Variants in PITPNC1 observed in about 807,000 individuals in gnomAD.
The protein encoded by PITPNC1 is phosphatidylinositol transfer protein cytoplasmic 1.
In PITPNC1, 18 loss-of-function variants were observed where a neutral mutation model predicts 44.7. The observed-to-expected ratio is 0.40, with a 90% CI of 0.28 to 0.60. PITPNC1 has a LOEUF of 0.60. Ranked by LOEUF, PITPNC1 falls within the 20% of genes least tolerant of loss-of-function variation. The pLI, the probability that PITPNC1 is intolerant of heterozygous loss-of-function variation, is 0.39. For synonymous variants in PITPNC1, 141 were observed against 149.6 expected (o/e 0.94, Z 0.42); for missense variants, 290 against 418.4 (o/e 0.69, Z 2.68).
intron 1 of PITPNC1, among the ~76,000 whole-genome samples, chr17:67,391,771 G>T (rs1002617337): frequency 6.6e-6 from 1 of 152,016 alleles, no homozygotes; most frequent in Non-Finnish European, 1.5e-5. Context: ...GTGAGCCACC[G>T]CACCGGGCCA....
chr17:67,393,392 T>C (rs2038167806), intron 1 of PITPNC1, among the ~76,000 whole-genome samples: 1 of 151,804 alleles, frequency 6.6e-6, no homozygotes, highest in African/African-American at 2.4e-5. Flanking sequence ...TTGACTACTC[T>C]AGGTATCTGA....
At chr17:67,534,403 T>A (rs1329413387) in intron 2 of PITPNC1, among the ~76,000 whole-genome samples, 2 of 152,034 alleles carry the variant, frequency 1.3e-5, no homozygotes, top group Admixed American at 1.3e-4. Flanking sequence ...TTTGGGAGGC[T>A]GAAGGTGGTA....
At chr17:67,476,353 A>G (rs768033891) in intron 1 of PITPNC1, among the ~76,000 whole-genome samples, 1 of 151,916 alleles carries the variant, frequency 6.6e-6, no homozygotes, top group Non-Finnish European at 1.5e-5. Flanking sequence ...TGCCCGGCTA[A>G]TTTTTGTATT....
chr17:67,574,300 C>A (rs1472189362), intron 4 of PITPNC1, among the ~76,000 whole-genome samples: 1 of 152,148 alleles, frequency 6.6e-6, no homozygotes, highest in African/African-American at 2.4e-5. Flanking sequence ...TATATTATTT[C>A]TCCACTGAAA....
At chr17:67,626,315 C>A (rs1400418127) in intron 5 of PITPNC1, among the ~76,000 whole-genome samples, 1 of 152,076 alleles carries the variant, frequency 6.6e-6, no homozygotes, top group Non-Finnish European at 1.5e-5. Flanking sequence ...CAAACAAGGA[C>A]ATGGAGGCCC....
intron 5 of PITPNC1, among the ~76,000 whole-genome samples, chr17:67,624,858 T>C (rs2041877261): frequency 6.6e-6 from 1 of 152,172 alleles, no homozygotes; most frequent in African/African-American, 2.4e-5. Flanking sequence ...ATTCTCAAAA[T>C]GTAAGCTTAC....
chr17:67,480,379 A>G (rs1307761623), intron 1 of PITPNC1, among the ~76,000 whole-genome samples: 1 of 152,216 alleles, frequency 6.6e-6, no homozygotes, highest in Non-Finnish European at 1.5e-5. Context: ...AATTTGACAG[A>G]TATGTAAAGG....
At chr17:67,577,525 C>T (rs2041166105) in intron 4 of PITPNC1, among the ~76,000 whole-genome samples, 1 of 151,718 alleles carries the variant, frequency 6.6e-6, no homozygotes, top group Non-Finnish European at 1.5e-5. Context: ...CACACCACTG[C>T]ACTCCAGCCT....
At chr17:67,656,129 C>T (rs1004570258) in intron 6 of PITPNC1, among the ~76,000 whole-genome samples, 4 of 152,168 alleles carry the variant, frequency 2.6e-5, no homozygotes, top group Non-Finnish European at 5.9e-5. Context: ...ACATTCAGGT[C>T]ACCACCTGTT....
chr17:67,533,697 G>A (rs998170138), intron 2 of PITPNC1, among the ~76,000 whole-genome samples: 12 of 152,276 alleles, frequency 7.9e-5, no homozygotes, highest in Non-Finnish European at 1.2e-4. Context: ...AAAACAAACA[G>A]TCACCTGTGA....
rs775204700 is a variant in PITPNC1 at position 67,425,197 on chromosome 17, GCACACGCACACACACACACACACA to G, written c.48+47001_48+47024del. Among the ~76,000 whole-genome samples, 622 of 98,460 alleles carry G rather than the reference GCACACGCACACACACACACACACA, an allele frequency of 6.3e-3. 32 individuals are homozygous for G. The highest frequency in any genetic ancestry group is 8.3e-3 in the African/African-American group (231 of 27,904). 64.6% of individuals were successfully genotyped at this position (98,460 alleles called of 152,430 possible). ...AAACAGCCATGTTGTGCGCGCGCACGCACACGCACACACACACACACACACACACACACACACACACACACACAC... is the reference window on the plus strand; with the variant it reads ...AAACAGCCATGTTGTGCGCGCGCACGCACACACACACACACACACACACAC... On this transcript the variant is annotated intron_variant, in intron 1 of 8. Coordinates refer to ENST00000581322, the MANE Select transcript of PITPNC1 (RefSeq NM_012417.4).
intron 1 of PITPNC1, among the ~76,000 whole-genome samples, chr17:67,447,440 GTC>G (rs892323071): frequency 6.6e-6 from 1 of 152,030 alleles, no homozygotes; most frequent in Admixed American, 6.6e-5. Flanking sequence ...CTAGCTCCGG[GTC>G]TCTCTCTCTT....
chr17:67,593,663 T>C (rs2041422502), intron 5 of PITPNC1, among the ~76,000 whole-genome samples: 1 of 152,194 alleles, frequency 6.6e-6, no homozygotes, highest in Non-Finnish European at 1.5e-5. Context: ...CCTTCTAAAG[T>C]GCTGAGATTA....
At chr17:67,498,783 T>C (rs1265441433) in intron 1 of PITPNC1, among the ~76,000 whole-genome samples, 4 of 152,168 alleles carry the variant, frequency 2.6e-5, no homozygotes, top group Non-Finnish European at 2.9e-5. Flanking sequence ...GATTTGCATT[T>C]CCTTGATGAT....
intron 6 of PITPNC1, among the ~76,000 whole-genome samples, chr17:67,666,866 C>T (rs1272777519): frequency 6.6e-6 from 1 of 152,224 alleles, no homozygotes; most frequent in African/African-American, 2.4e-5. Flanking sequence ...GAGGCCAGTG[C>T]CAGATGGCCT....
chr17:67,549,856 G>C (rs2040735430), intron 2 of PITPNC1, among the ~76,000 whole-genome samples: 1 of 152,110 alleles, frequency 6.6e-6, no homozygotes, highest in African/African-American at 2.4e-5. Context: ...TTACGTGAGG[G>C]AGATTCTCCA....
chr17:67,617,233 C>T (rs752416080), intron 5 of PITPNC1, among the ~76,000 whole-genome samples: 90 of 152,188 alleles, frequency 5.9e-4, no homozygotes, highest in Admixed American at 9.8e-4. Context: ...TGGCTGGGCA[C>T]AGTGGCTCAT....
chr17:67,593,171 A>G (rs1598862078), intron 5 of PITPNC1, among the ~76,000 whole-genome samples: 1 of 152,342 alleles, frequency 6.6e-6, no homozygotes, highest in Non-Finnish European at 1.5e-5. Context: ...ATGCAGATGC[A>G]TTTATATGTT....
At chr17:67,540,401 G>A (rs983496727) in intron 2 of PITPNC1, among the ~76,000 whole-genome samples, 1 of 151,924 alleles carries the variant, frequency 6.6e-6, no homozygotes, top group African/African-American at 2.4e-5. Flanking sequence ...CATCGCACCT[G>A]GCCTATTCCT....
Sources: allele counts gnomAD v4.1 joint callset (sites outside exome capture counted in the v4.1 genomes callset), GRCh38; gene constraint gnomAD v4.1.1; transcripts MANE v1.5; gene names NCBI Gene and HGNC (gene_info 2026-07-23, HGNC 2026-07-21).